Variants in PKN2 observed in about 807,000 individuals in gnomAD.
PKN2 encodes protein kinase N2, also known as serine/threonine-protein kinase N2.
A neutral mutation model predicts 119.1 loss-of-function variants in PKN2; 38 were observed. That is an observed-to-expected ratio of 0.32 (90% CI 0.25 to 0.42). The LOEUF is 0.42. Ranked by LOEUF, PKN2 falls within the 10% of genes least tolerant of loss-of-function variation. PKN2 has a pLI of 1.00. For synonymous variants in PKN2, 390 were observed against 384.9 expected, an observed-to-expected ratio of 1.01 and a Z score of -0.15; for missense variants, 850 against 1,165.1, an observed-to-expected ratio of 0.73 and a Z score of 3.94.
intron 6 of PKN2, among the ~76,000 whole-genome samples, chr1:88,780,319 T>A (rs1265393252): frequency 1.3e-5 from 2 of 152,216 alleles, no homozygotes; most frequent in Admixed American, 1.3e-4. Flanking sequence ...AACAAAACTA[T>A]AAGGTATATC....
intron 2 of PKN2, among the ~76,000 whole-genome samples, chr1:88,751,070 G>A (rs553024492): frequency 9.5e-4 from 145 of 152,154 alleles, no homozygotes; most frequent in African/African-American, 3.3e-3. Flanking sequence ...CTTTCAAATG[G>A]TCTGGCATCT....
At chr1:88,786,777 T>C (rs1438302081) in intron 8 of PKN2, among the ~76,000 whole-genome samples, 4 of 152,098 alleles carry the variant, frequency 2.6e-5, no homozygotes, top group African/African-American at 9.7e-5. Flanking sequence ...ATCGTAATTT[T>C]ATCTAAAAAC....
chr1:88,752,372 A>C (rs539619525), intron 2 of PKN2, among the ~76,000 whole-genome samples: 1 of 152,146 alleles, frequency 6.6e-6, no homozygotes, highest in African/African-American at 2.4e-5. Context: ...TAACATACTT[A>C]TTTCACAATC....
intron 2 of PKN2, among the ~76,000 whole-genome samples, chr1:88,743,924 AT>A (rs1168656268): frequency 6.6e-6 from 1 of 151,244 alleles, no homozygotes; most frequent in African/African-American, 2.4e-5. Context: ...GATATATGAA[AT>A]ATAACTTTAT....
At chr1:88,831,305 T>G (rs1233723799) in intron 19 of PKN2, among the ~76,000 whole-genome samples, 1 of 151,540 alleles carries the variant, frequency 6.6e-6, no homozygotes, top group African/African-American at 2.4e-5. Context: ...TGTTCAGACT[T>G]GTAGAATGAG....
chr1:88,774,894 C>T (rs1478930469), intron 6 of PKN2, among the ~76,000 whole-genome samples: 4 of 151,806 alleles, frequency 2.6e-5, no homozygotes, highest in Admixed American at 6.6e-5. Flanking sequence ...TTTTTGCTAG[C>T]AATGGCGTCT....
intron 16 of PKN2, among the ~76,000 whole-genome samples, chr1:88,820,212 ATATATATATATATATATAT>A (rs1557634897): frequency 4.1e-4 from 47 of 114,702 alleles, no homozygotes; most frequent in Admixed American, 3.1e-3. Flanking sequence ...ATATATATAT[ATATATATATATATATATAT>A]ATAAATAGAA....
chr1:88,735,899 A>G (rs141488149), intron 1 of PKN2, among the ~76,000 whole-genome samples: 368 of 152,040 alleles, frequency 2.4e-3, no homozygotes, highest in Non-Finnish European at 4.0e-3. Flanking sequence ...GTTTTGTGTT[A>G]TTATCTCTTT....
At chr1:88,751,047 A>G (rs1668968256) in intron 2 of PKN2, among the ~76,000 whole-genome samples, 1 of 152,186 alleles carries the variant, frequency 6.6e-6, no homozygotes, top group Non-Finnish European at 1.5e-5. Context: ...AATTTGTAGC[A>G]TGGTAGAGAT....
At chr1:88,708,655 TTTCACC>T (rs1667099639) in intron 1 of PKN2, among the ~76,000 whole-genome samples, 1 of 149,484 alleles carries the variant, frequency 6.7e-6, no homozygotes, top group African/African-American at 2.5e-5. Context: ...AGAGATGGGG[TTTCACC>T]ATATTGGCCA....
At chr1:88,716,379 T>C (rs918939455) in intron 1 of PKN2, among the ~76,000 whole-genome samples, 3 of 152,248 alleles carry the variant, frequency 2.0e-5, no homozygotes, top group Non-Finnish European at 4.4e-5. Flanking sequence ...ATCTGTCTAA[T>C]GTTGACACTG....
At chr1:88,797,670 T>C (rs1362027061) in intron 8 of PKN2, among the ~76,000 whole-genome samples, 2 of 151,842 alleles carry the variant, frequency 1.3e-5, no homozygotes, top group African/African-American at 4.8e-5. Context: ...AATGTCTTCC[T>C]TACCTACTCT....
In PKN2 at chr1:88,779,765, G is replaced by A. The variant is rs946085209; in HGVS notation, c.986-4874G>A. Among the ~76,000 whole-genome samples, 5 of 152,148 alleles carry A rather than the reference G, an allele frequency of 3.3e-5. No individual in the cohort carries two copies. The East Asian group carries it at 9.6e-4, about 29-fold the overall frequency. ...GTATCATTAATCAGTTTTATTCTGT[G>A]TTAAACTTATACATCAAAACATGAA... On this transcript the variant is annotated intron_variant, in intron 6 of 21. Transcript: ENST00000370521.
chr1:88,770,964 G>A (rs542219374), intron 4 of PKN2, among the ~76,000 whole-genome samples: 270 of 150,520 alleles, frequency 1.8e-3, no homozygotes, highest in Non-Finnish European at 3.1e-3. Flanking sequence ...TATGTTTCAA[G>A]AAGATATTGA....
intron 19 of PKN2, 70 bp from the exon 20 acceptor site, chr1:88,832,674 A>G (rs559343419): frequency 9.1e-6 from 7 of 766,428 alleles, no homozygotes; most frequent in South Asian, 1.7e-5. Context: ...TCTTGGTTGT[A>G]CTTTGAATGG....
intron 1 of PKN2, among the ~76,000 whole-genome samples, chr1:88,709,209 A>G (rs886249220): frequency 3.3e-5 from 5 of 151,664 alleles, no homozygotes; most frequent in Non-Finnish European, 7.4e-5. Context: ...GCACACCATC[A>G]TACACCGCTA....
intron 3 of PKN2, among the ~76,000 whole-genome samples, chr1:88,769,776 CAGAG>C (rs905177629): frequency 1.3e-5 from 2 of 151,996 alleles, no homozygotes; most frequent in African/African-American, 4.8e-5. Context: ...TAAATAGAAA[CAGAG>C]AGTAGAATAC....
chr1:88,821,729 G>A (rs1672300284), intron 16 of PKN2, among the ~76,000 whole-genome samples: 4 of 152,234 alleles, frequency 2.6e-5, no homozygotes, highest in Middle Eastern at 3.4e-3. Context: ...GACTCCACTA[G>A]GCAAAGTTAA....
chr1:88,818,151 C>A (rs187781709), intron 16 of PKN2, among the ~76,000 whole-genome samples: 1 of 152,294 alleles, frequency 6.6e-6, no homozygotes, highest in Non-Finnish European at 1.5e-5. Flanking sequence ...ATACAGCTTA[C>A]AAGGGATGTG....
Sources: gnomAD v4.1 joint callset for allele counts (sites outside exome capture counted in the v4.1 genomes callset) on GRCh38, gnomAD v4.1.1 for gene constraint, MANE v1.5 for transcripts, NCBI Gene and HGNC (gene_info 2026-07-23, HGNC 2026-07-21) for gene names.